Variants in SOX6 observed in about 807,000 individuals in gnomAD.
The protein encoded by SOX6 is SRY-box transcription factor 6.
A neutral mutation model predicts 97.8 loss-of-function variants in SOX6; 11 were observed. The observed-to-expected ratio is 0.11, with a 90% CI of 0.07 to 0.19. The LOEUF is 0.19. Among genes scored for constraint, SOX6 ranks in the 10% least tolerant of loss-of-function variants. The probability of loss-of-function intolerance (pLI) is 1.00; values close to 1 mark genes in which losing one functional copy is unlikely to be tolerated. For synonymous variants in SOX6, 360 were observed against 371.4 expected, an observed-to-expected ratio of 0.97 and a Z score of 0.35; for missense variants, 810 against 1,039.5, an observed-to-expected ratio of 0.78 and a Z score of 3.04.
chr11:16,216,208 C>T (rs1403218338), intron 4 of SOX6, among the ~76,000 whole-genome samples: 1 of 152,136 alleles, frequency 6.6e-6, no homozygotes, highest in African/African-American at 2.4e-5. Flanking sequence ...TTGTTTTTGT[C>T]AGCGCTTTCT....
chr11:16,478,974 TATTTGCTC>T (rs909348515), upstream of SOX6, among the ~76,000 whole-genome samples: 1 of 152,182 alleles, frequency 6.6e-6, no homozygotes, highest in African/African-American at 2.4e-5. Context: ...TCCAGTTCTC[TATTTGCTC>T]ATTTATACAT....
intron 1 of SOX6, among the ~76,000 whole-genome samples, chr11:16,400,084 T>C (rs1858509172): frequency 6.6e-6 from 1 of 151,560 alleles, no homozygotes; most frequent in Non-Finnish European, 1.5e-5. Flanking sequence ...TAAATATTGT[T>C]GAACATGTTT....
At chr11:16,475,273 T>C (rs1329235281) in intron 1 of SOX6, among the ~76,000 whole-genome samples, 2 of 152,188 alleles carry the variant, frequency 1.3e-5, no homozygotes, top group African/African-American at 4.8e-5. Context: ...CTCAAGAACT[T>C]TCCCTTTGCA....
rs1024828699 is a variant in SOX6 at position 16,150,630 on chromosome 11, C to T, written c.777+33256G>A. On this transcript the variant is annotated intron_variant, in intron 6 of 15. Transcript: ENST00000683767. ...ACTTACAACATAGCCAGCCATCAGA[C>T]CAGCCACAGATTTGTTTTAACAATT... Among the ~76,000 whole-genome samples, 3 of 152,172 alleles carry T rather than the reference C, an allele frequency of 2.0e-5. No individual in the cohort carries two copies. In the South Asian group the frequency reaches 6.2e-4, roughly 32 times the overall value.
chr11:16,201,115 C>CAA (rs58967902), intron 4 of SOX6, among the ~76,000 whole-genome samples: 7,269 of 95,622 alleles, frequency 0.076, 468 homozygotes, highest in East Asian at 0.39. Flanking sequence ...GACTCCGTCT[C>CAA]AAAAAAAAAA....
chr11:16,101,998 CT>C (rs2133981643), intron 7 of SOX6, among the ~76,000 whole-genome samples: 1 of 151,970 alleles, frequency 6.6e-6, no homozygotes, highest in South Asian at 2.1e-4. Flanking sequence ...TTAACCACTT[CT>C]ATTCAACATA....
chr11:16,110,437 C>T (rs1039397776), intron 7 of SOX6: 2 of 151,998 alleles, frequency 1.3e-5, no homozygotes, highest in Non-Finnish European at 2.9e-5. Context: ...AAATATACTC[C>T]TGTCCTTAAT....
At chr11:16,386,496 T>C (rs1241911044) in intron 1 of SOX6, among the ~76,000 whole-genome samples, 1 of 152,100 alleles carries the variant, frequency 6.6e-6, no homozygotes, top group Non-Finnish European at 1.5e-5. Flanking sequence ...TGATTCCACA[T>C]TATCTTTCTA....
chr11:16,674,947 ACT>A (rs1847874263), intron 3 of SOX6, among the ~76,000 whole-genome samples: 1 of 152,038 alleles, frequency 6.6e-6, no homozygotes, highest in Non-Finnish European at 1.5e-5. Flanking sequence ...ACAGGGTGAG[ACT>A]CTGTCTAAAT....
intron 13 of SOX6, among the ~76,000 whole-genome samples, chr11:16,014,380 A>G (rs1194270999): frequency 1.3e-5 from 2 of 152,038 alleles, no homozygotes; most frequent in Non-Finnish European, 2.9e-5. Context: ...TCCCCAAACA[A>G]TTATTAAGTT....
chr11:16,314,351 T>C (rs955682898), intron 3 of SOX6: 1 of 152,202 alleles, frequency 6.6e-6, no homozygotes, highest in Admixed American at 6.5e-5. Context: ...CTAAGACCCA[T>C]TTCCCTACAG....
chr11:16,082,107 T>G (rs1848484552), intron 9 of SOX6, among the ~76,000 whole-genome samples: 1 of 152,228 alleles, frequency 6.6e-6, no homozygotes, highest in African/African-American at 2.4e-5. Context: ...CAACATTTGT[T>G]TCTGCTCTTT....
rs1276829672 is a variant in SOX6 at position 16,510,381 on chromosome 11, T to G, written n.610-33993A>C. 5.3e-5 allele frequency among the ~76,000 whole-genome samples: 8 copies of G among 152,076 alleles called. No homozygotes were observed. The East Asian group carries it at 1.3e-3, about 26-fold the overall frequency. ...TATTTTTTTTCCCTTCAACTTGTAT[T>G]AATTCAGCATCTGATCCTGGCCTAC... On this transcript the variant is annotated intron_variant and non_coding_transcript_variant, in intron 4 of 5. Transcript: ENST00000524520.
intron 6 of SOX6, among the ~76,000 whole-genome samples, chr11:16,175,980 CA>C (rs1564999688): frequency 6.6e-6 from 1 of 151,532 alleles, no homozygotes; most frequent in Non-Finnish European, 1.5e-5. Flanking sequence ...CAGCTATGAC[CA>C]AAATGAAAAG....
chr11:15,972,691 T>G lies in SOX6; in HGVS notation c.*118A>C. 1 of 1,126,286 alleles carries G rather than the reference T, an allele frequency of 8.9e-7. No homozygotes were observed. Among genetic ancestry groups the G allele is most frequent in the South Asian group, 1.3e-5 (1 of 78,862 alleles). 69.8% of individuals were successfully genotyped at this position (1,126,286 alleles called of 1,614,324 possible). ...TCTGTCTCACACTTTACGAAACAAT[T>G]AAGACCATTCTGCTGATGTAATTGT... On this transcript the variant is annotated 3_prime_UTR_variant, in exon 16 of 16. Coordinates refer to ENST00000683767, the MANE Select transcript of SOX6 (RefSeq NM_001367873.1).
At chr11:16,060,920 T>C (rs955025320) in intron 9 of SOX6, among the ~76,000 whole-genome samples, 1 of 151,850 alleles carries the variant, frequency 6.6e-6, no homozygotes, top group Non-Finnish European at 1.5e-5. Flanking sequence ...TTTGAATGCT[T>C]AGCACCAATA....
chr11:16,210,799 T>G (rs1353530902), intron 4 of SOX6, among the ~76,000 whole-genome samples: 1 of 152,200 alleles, frequency 6.6e-6, no homozygotes, highest in Non-Finnish European at 1.5e-5. Flanking sequence ...ACTGTTTTCA[T>G]GCAACTTACT....
chr11:16,522,543 C>T (rs1214503971), intron 4 of SOX6, among the ~76,000 whole-genome samples: 1 of 151,924 alleles, frequency 6.6e-6, no homozygotes, highest in South Asian at 2.1e-4. Context: ...AATGTAAGGA[C>T]CATCGAGACT....
At chr11:16,210,282 A>C (rs866099548) in intron 4 of SOX6, among the ~76,000 whole-genome samples, 3 of 152,214 alleles carry the variant, frequency 2.0e-5, no homozygotes, top group Non-Finnish European at 2.9e-5. Context: ...GCATATAGCC[A>C]TAGAGTGTAA....
Sources: gnomAD v4.1 joint callset for allele counts (sites outside exome capture counted in the v4.1 genomes callset) on GRCh38, gnomAD v4.1.1 for gene constraint, MANE v1.5 for transcripts, NCBI Gene and HGNC (gene_info 2026-07-23, HGNC 2026-07-21) for gene names.